The following CAMTA1 variants were observed in gnomAD, a reference collection of about 807,000 sequenced individuals.
CAMTA1 encodes the protein calmodulin-binding transcription activator 1.
In CAMTA1, 27 loss-of-function variants were observed where a neutral mutation model predicts 170.9. That is an observed-to-expected ratio of 0.16 (90% CI 0.12 to 0.22). CAMTA1 has a LOEUF of 0.22. Ranked by LOEUF, CAMTA1 falls within the 10% of genes least tolerant of loss-of-function variation. The pLI is 1.00. For synonymous variants in CAMTA1, 833 were observed against 891.5 expected (o/e 0.93, Z 1.17); for missense variants, 1,619 against 2,217.2 (o/e 0.73, Z 5.42).
At chr1:6,942,006 G>A (rs1686720916) in intron 3 of CAMTA1, among the ~76,000 whole-genome samples, 4 of 152,298 alleles carry the variant, frequency 2.6e-5, no homozygotes, top group Middle Eastern at 3.4e-3. Context: ...CTGCTGTCCT[G>A]GGAAAGCTTC....
intron 6 of CAMTA1, among the ~76,000 whole-genome samples, chr1:7,589,844 T>C (rs1457344138): frequency 6.6e-6 from 1 of 152,200 alleles, no homozygotes; most frequent in African/African-American, 2.4e-5. Context: ...CCTCCATCAA[T>C]GCTGCCAAGA....
intron 5 of CAMTA1, chr1:7,441,100 CCTGAGCTT>C (rs2092518233): frequency 6.6e-6 from 1 of 152,170 alleles, no homozygotes; most frequent in African/African-American, 2.4e-5. Context: ...TCTGTGAGCT[CCTGAGCTT>C]CTTCACCAGC....
chr1:7,557,666 G>A (rs540605998), intron 6 of CAMTA1, among the ~76,000 whole-genome samples: 55 of 152,286 alleles, frequency 3.6e-4, no homozygotes, highest in Non-Finnish European at 6.9e-4. Context: ...CCTTTTGCCC[G>A]TCAGTCAATT....
intron 4 of CAMTA1, among the ~76,000 whole-genome samples, chr1:7,166,595 C>T (rs1445402913): frequency 6.6e-6 from 1 of 152,092 alleles, no homozygotes; most frequent in Non-Finnish European, 1.5e-5. Context: ...GGTTATTGGC[C>T]ATTTGGGTTT....
chr1:7,721,767 G>A (rs551810016), intron 11 of CAMTA1, among the ~76,000 whole-genome samples: 8 of 151,892 alleles, frequency 5.3e-5, no homozygotes, highest in South Asian at 2.1e-4. Context: ...TCACTCCATC[G>A]CCCAGGCTGG....
At chr1:6,902,081 A>C (rs893134563) in intron 3 of CAMTA1, among the ~76,000 whole-genome samples, 2 of 149,870 alleles carry the variant, frequency 1.3e-5, no homozygotes, top group African/African-American at 2.5e-5. Context: ...ACAAAAAAAA[A>C]AATAAAAATA....
rs78938578 is a variant in CAMTA1, at chr1:7,627,995, G to A, written c.511-12405G>A. 2.6e-3 allele frequency among the ~76,000 whole-genome samples: 391 copies of A among 152,218 alleles called. 1 individual carries two copies. Among genetic ancestry groups the A allele is most frequent in the African/African-American group, 9.1e-3 (376 of 41,538 alleles). ...CGAAAGAAGATGTGATCATTTTTTAGGAACTAAGGCTCATGGGCGATGCAA... is the reference window on the plus strand; with the variant it reads ...CGAAAGAAGATGTGATCATTTTTTAAGAACTAAGGCTCATGGGCGATGCAA... On this transcript the variant is annotated intron_variant, in intron 6 of 22. Coordinates refer to ENST00000303635, the MANE Select transcript of CAMTA1 (RefSeq NM_015215.4).
At chr1:6,876,630 T>G (rs1238003772) in intron 3 of CAMTA1, among the ~76,000 whole-genome samples, 1 of 152,208 alleles carries the variant, frequency 6.6e-6, no homozygotes, top group Admixed American at 6.5e-5. Context: ...CCTAGAGTGC[T>G]GGGATTACCG....
At chr1:7,217,373 G>A (rs1659937258) in intron 4 of CAMTA1, among the ~76,000 whole-genome samples, 2 of 152,142 alleles carry the variant, frequency 1.3e-5, no homozygotes, top group African/African-American at 2.4e-5. Flanking sequence ...CCAGTCTCGG[G>A]CAGTTCTTTA....
In CAMTA1 at chr1:7,634,403, C is replaced by T. The variant is rs1056119498; in HGVS notation, c.511-5997C>T. 2.0e-5 allele frequency among the ~76,000 whole-genome samples: 3 copies of T among 151,860 alleles called. No individual in the cohort carries two copies. Among genetic ancestry groups the T allele is most frequent in the African/African-American group, 4.8e-5 (2 of 41,314 alleles). On this transcript the variant is annotated intron_variant, in intron 6 of 22. Coordinates refer to ENST00000303635, the MANE Select transcript of CAMTA1 (RefSeq NM_015215.4). The surrounding 1 kb of genome is among the most constrained non-coding windows in gnomAD (Gnocchi z 6.2). ...GGGCCAAGGGTGCTGAGCAGGAGGT[C>T]GGGAGGCGAGGTCGGCCATGGGAAG...
At chr1:7,341,651 C>T (rs1047784122) in intron 5 of CAMTA1, among the ~76,000 whole-genome samples, 9 of 152,218 alleles carry the variant, frequency 5.9e-5, no homozygotes, top group African/African-American at 1.2e-4. Flanking sequence ...CCGGGCTTCC[C>T]ATGGCTGCCA....
rs915554269 is a variant in CAMTA1 at position 7,069,057 on chromosome 1, C to T, written c.235-22247C>T. ...GAGCAGGAAAGGCAAGTTTCAGACA[C>T]CTCCTGCCATGCCCTTGACCCTGCT... On this transcript the variant is annotated intron_variant, in intron 3 of 22. Transcript: ENST00000303635. 1.6e-4 allele frequency among the ~76,000 whole-genome samples: 24 copies of T among 152,254 alleles called. 1 individual carries two copies. The highest frequency in any genetic ancestry group is 5.5e-4 in the African/African-American group (23 of 41,472).
chr1:7,672,862 C>T (rs563896586), intron 10 of CAMTA1, among the ~76,000 whole-genome samples: 1 of 152,252 alleles, frequency 6.6e-6, no homozygotes, highest in South Asian at 2.1e-4. Context: ...GTGCCCACCC[C>T]ACCCCCTGCT....
intron 3 of CAMTA1, among the ~76,000 whole-genome samples, chr1:7,058,771 C>T (rs929546027): frequency 3.9e-5 from 6 of 152,112 alleles, no homozygotes; most frequent in African/African-American, 9.7e-5. Flanking sequence ...CACATTCTAG[C>T]TGTTATCCTG....
chr1:6,999,830 G>C (rs777125770), intron 3 of CAMTA1, among the ~76,000 whole-genome samples: 2 of 152,200 alleles, frequency 1.3e-5, no homozygotes, highest in African/African-American at 2.4e-5. Flanking sequence ...TGGGGGTGGG[G>C]AGTGAGGAGA....
chr1:6,798,049 T>G (rs1158156361), intron 1 of CAMTA1, among the ~76,000 whole-genome samples: 2 of 151,466 alleles, frequency 1.3e-5, no homozygotes, highest in Non-Finnish European at 2.9e-5. Flanking sequence ...CAGGCTGCAG[T>G]GCGATGGCGC....
In CAMTA1 at chr1:7,342,285, G is replaced by A. The variant is rs191976495; in HGVS notation, c.438+92659G>A. Among the ~76,000 whole-genome samples the A allele has an allele frequency of 5.7e-3, 875 of 152,274 alleles. 3 individuals carry two copies. The highest frequency in any genetic ancestry group is 8.9e-3 in the Non-Finnish European group (602 of 68,018). On this transcript the variant is annotated intron_variant, in intron 5 of 22. Coordinates refer to ENST00000303635, the MANE Select transcript of CAMTA1 (RefSeq NM_015215.4). The stretch of plus-strand genomic sequence containing the variant: ...AGCAAGGTGGATGCAGAGCCCGGGG[G>A]TCCCCTGGGCTTCCTGGATTGAGAG...
chr1:7,390,987 T>G (rs1379890164), intron 5 of CAMTA1, among the ~76,000 whole-genome samples: 1 of 151,926 alleles, frequency 6.6e-6, no homozygotes, highest in East Asian at 1.9e-4. Flanking sequence ...GTTTTAGTGC[T>G]CCGAGAATCT....
chr1:7,407,908 C>T (rs2090415962), intron 5 of CAMTA1, among the ~76,000 whole-genome samples: 1 of 152,168 alleles, frequency 6.6e-6, no homozygotes, highest in Non-Finnish European at 1.5e-5. Context: ...GCCTACCCTG[C>T]ATTCAACGAA....
Sources: allele counts gnomAD v4.1 joint callset (sites outside exome capture counted in the v4.1 genomes callset), GRCh38; gene constraint gnomAD v4.1.1; non-coding constraint Gnocchi (gnomAD v3.1); transcripts MANE v1.5; gene names NCBI Gene and HGNC (gene_info 2026-07-23, HGNC 2026-07-21).